Variants in TAMM41 observed in about 807,000 individuals in gnomAD.
TAMM41 encodes phosphatidate cytidylyltransferase, mitochondrial.
Under a neutral mutation model 44.1 loss-of-function variants are expected in TAMM41, and 36 were observed. The ratio of observed to expected loss-of-function variants is 0.82; its 90% CI spans 0.63 to 1.08. TAMM41 has a LOEUF of 1.08. TAMM41 is among the 50% of genes least tolerant of loss of function. The pLI, the probability that TAMM41 is intolerant of heterozygous loss-of-function variation, is 0.00. For missense variants in TAMM41, 417 were observed against 404.3 expected (o/e 1.03, Z -0.27); for synonymous variants, 164 against 153.1 (o/e 1.07, Z -0.53).
chr3:11,836,641 T>A (rs1308493418), intron 3 of TAMM41, among the ~76,000 whole-genome samples: 1 of 152,060 alleles, frequency 6.6e-6, no homozygotes, highest in Non-Finnish European at 1.5e-5. Flanking sequence ...TTTTTGTATG[T>A]TCAGAAGATC....
At chr3:11,723,799 T>A in the TAMM41 span, among the ~76,000 whole-genome samples, 1 of 152,018 alleles carries the variant, frequency 6.6e-6, no homozygotes. Flanking sequence ...CAAATAAAGG[T>A]AGGCTGTACA....
At chr3:11,817,378 T>G in intron 4 of TAMM41, 41 bp from the exon 5 acceptor site, 1 of 1,582,846 alleles carries the variant, frequency 6.3e-7, no homozygotes, top group African/African-American at 1.3e-5. Flanking sequence ...CCATTAAGAA[T>G]CCACACTCTC....
chr3:11,774,807 A>C, the TAMM41 span, among the ~76,000 whole-genome samples: 2 of 151,936 alleles, frequency 1.3e-5, no homozygotes, highest in Non-Finnish European at 2.9e-5. Context: ...TAGTGTCCTA[A>C]TCTGCCCTCA....
chr3:11,824,512 T>C (rs2078663339), intron 4 of TAMM41, among the ~76,000 whole-genome samples: 1 of 151,990 alleles, frequency 6.6e-6, no homozygotes, highest in Non-Finnish European at 1.5e-5. Context: ...CAGGTTGGTC[T>C]CGAACTCCTG....
chr3:11,736,372 A>G, the TAMM41 span, among the ~76,000 whole-genome samples: 1 of 152,338 alleles, frequency 6.6e-6, no homozygotes, highest in South Asian at 2.1e-4. Context: ...GAGGATGGGA[A>G]TGTAACAGTG....
chr3:11,727,345 A>G, the TAMM41 span, among the ~76,000 whole-genome samples: 1 of 152,236 alleles, frequency 6.6e-6, no homozygotes. Flanking sequence ...AGAGCCTGCT[A>G]GAAATGCAGG....
the TAMM41 span, among the ~76,000 whole-genome samples, chr3:11,744,287 C>T: frequency 1.3e-5 from 2 of 151,980 alleles, no homozygotes; most frequent in African/African-American, 4.8e-5. Flanking sequence ...AAGCTGGTCT[C>T]GAACTCCTGA....
chr3:11,775,167 T>G, the TAMM41 span, among the ~76,000 whole-genome samples: 1 of 151,948 alleles, frequency 6.6e-6, no homozygotes, highest in Non-Finnish European at 1.5e-5. Context: ...CGCCTGGCCT[T>G]TTTTAATATT....
chr3:11,827,183 T>A (rs546432536), intron 4 of TAMM41, among the ~76,000 whole-genome samples: 1 of 152,356 alleles, frequency 6.6e-6, no homozygotes, highest in Non-Finnish European at 1.5e-5. Context: ...ATTTTAATAG[T>A]TGTACTGACA....
Position 11,817,299 on chromosome 3 carries a change from CTT to C in TAMM41, c.599_600del (p.Lys200SerfsTer29), listed in dbSNP as rs752058516. ...FRMVVGEDKT[K>X]VLNIVKPNIA... ...ATATTGGGCTTCACAATATTCAACACTTTTGTTTTATCTTCTCCAACCACCAT... is the reference window on the plus strand; with the variant it reads ...ATATTGGGCTTCACAATATTCAACACTTGTTTTATCTTCTCCAACCACCAT... On this transcript the variant is annotated frameshift_variant, in exon 5 of 8. Transcript: ENST00000455809. LOFTEE classifies it high-confidence loss of function. 2.5e-6 allele frequency: 4 copies of C among 1,612,382 alleles called. No individual in the cohort carries two copies. The Admixed American group carries it at 6.7e-5, about 27-fold the overall frequency.
the TAMM41 span, among the ~76,000 whole-genome samples, chr3:11,722,741 T>C: frequency 5.3e-5 from 8 of 151,074 alleles, no homozygotes; most frequent in Non-Finnish European, 1.2e-4. Flanking sequence ...GAGGCCAAGG[T>C]GGGCGAATCA....
intron 7 of TAMM41, among the ~76,000 whole-genome samples, chr3:11,798,541 T>C (rs2124928083): frequency 6.6e-6 from 1 of 152,230 alleles, no homozygotes; most frequent in Non-Finnish European, 1.5e-5. Context: ...GAAAAATAAC[T>C]AATGGGTTCT....
At chr3:11,764,443 G>GC in the TAMM41 span, among the ~76,000 whole-genome samples, 3 of 149,420 alleles carry the variant, frequency 2.0e-5, no homozygotes, top group Non-Finnish European at 4.4e-5. Flanking sequence ...CAACCTGAAG[G>GC]CCCAGGGTAA....
intron 2 of TAMM41, among the ~76,000 whole-genome samples, chr3:11,840,007 A>G (rs1482599448): frequency 3.3e-5 from 5 of 152,022 alleles, no homozygotes; most frequent in African/African-American, 4.8e-5. Context: ...TCAACACTCA[A>G]TTGGTCCTGT....
At chr3:11,754,708 CTTT>C in the TAMM41 span, among the ~76,000 whole-genome samples, 416 of 103,486 alleles carry the variant, frequency 4.0e-3, 3 homozygotes, top group African/African-American at 0.013. Context: ...TCTCAGATCT[CTTT>C]TTTTTTTTTT....
chr3:11,761,814 G>T, the TAMM41 span, among the ~76,000 whole-genome samples: 4 of 151,772 alleles, frequency 2.6e-5, no homozygotes, highest in Non-Finnish European at 5.9e-5. Context: ...GTGCGTGGTG[G>T]CGAGCACCTG....
rs550535592 is a variant in TAMM41, at chr3:11,814,782, G to A, written c.708+2410C>T. Among the ~76,000 whole-genome samples the A allele has an allele frequency of 5.3e-5, 8 of 152,254 alleles. No homozygotes were observed. The East Asian group carries it at 1.5e-3, about 29-fold the overall frequency. On this transcript the variant is annotated intron_variant, in intron 5 of 7. Coordinates refer to ENST00000455809, the MANE Select transcript of TAMM41 (RefSeq NM_001284401.2). ...GTTTGAGACCAGCCTGGGCAATATG[G>A]TGAAACTGTTTCTACTAAAAACACA...
At chr3:11,812,665 C>A (rs944696396) in intron 5 of TAMM41, among the ~76,000 whole-genome samples, 1 of 152,106 alleles carries the variant, frequency 6.6e-6, no homozygotes, top group Non-Finnish European at 1.5e-5. Flanking sequence ...ATTTAGAATC[C>A]CATGCCGTAA....
At chr3:11,763,614 C>A in the TAMM41 span, among the ~76,000 whole-genome samples, 2 of 152,176 alleles carry the variant, frequency 1.3e-5, no homozygotes, top group Non-Finnish European at 2.9e-5. Context: ...CTATAAGCAG[C>A]CTCCAACTAA....
Sources: gnomAD v4.1 joint callset for allele counts (sites outside exome capture counted in the v4.1 genomes callset) on GRCh38, gnomAD v4.1.1 for gene constraint, MANE v1.5 for transcripts, NCBI Gene and HGNC (gene_info 2026-07-23, HGNC 2026-07-21) for gene names.